The following PEX11G variants were observed in gnomAD, a reference collection of about 807,000 sequenced individuals.
PEX11G encodes the protein peroxisomal biogenesis factor 11 gamma, also known as peroxisomal membrane protein 11C.
Under a neutral mutation model 22.5 loss-of-function variants are expected in PEX11G, and 20 were observed. That is an observed-to-expected ratio of 0.89 (90% CI 0.62 to 1.29). The LOEUF (loss-of-function observed/expected upper bound fraction) is 1.29. PEX11G is among the 50% of genes most tolerant of loss of function. PEX11G has a pLI of 0.00. For synonymous variants in PEX11G, 141 were observed against 154.5 expected, an observed-to-expected ratio of 0.91 and a Z score of 0.65; for missense variants, 347 against 331.3, an observed-to-expected ratio of 1.05 and a Z score of -0.37.
intron 1 of PEX11G, 56 bp downstream of exon 1, chr19:7,488,895 T>C: frequency 6.5e-7 from 1 of 1,527,760 alleles, no homozygotes; most frequent in Non-Finnish European, 8.9e-7. Flanking sequence ...CGTTTCCCAG[T>C]CTCTGAGCTT....
upstream of PEX11G, among the ~76,000 whole-genome samples, chr19:7,492,035 C>T (rs375504200): frequency 2.6e-5 from 4 of 152,280 alleles, no homozygotes; most frequent in Middle Eastern, 3.4e-3. Flanking sequence ...TATAACATTG[C>T]GCCATATGGA....
chr19:7,481,851 G>A (rs1202614649), intron 3 of PEX11G, among the ~76,000 whole-genome samples, 182 bp downstream of exon 3: 6 of 152,060 alleles, frequency 3.9e-5, no homozygotes, highest in Non-Finnish European at 8.8e-5. Flanking sequence ...AATTTGTTCC[G>A]ACAGTTATTC....
intron 4 of PEX11G, among the ~76,000 whole-genome samples, chr19:7,477,887 T>G (rs114736522): frequency 6.6e-6 from 1 of 152,226 alleles, no homozygotes; most frequent in Non-Finnish European, 1.5e-5. Context: ...CCAGGCGTGC[T>G]GGCCCGTGCC....
chr19:7,482,618 C>T (rs1254923402), intron 2 of PEX11G, among the ~76,000 whole-genome samples: 4 of 152,226 alleles, frequency 2.6e-5, no homozygotes, highest in African/African-American at 9.6e-5. Flanking sequence ...TCAGAGCCTT[C>T]CTTCCCAAAG....
rs74356546 is a variant in PEX11G, at chr19:7,482,993, T to C, written c.250-782A>G. Among the ~76,000 whole-genome samples, 247 of 152,284 alleles carry C rather than the reference T, an allele frequency of 1.6e-3. 6 individuals are homozygous for C. The East Asian group carries it at 0.038, about 23-fold the overall frequency. ...CCTAGAGCCAGCGAGGCAGGACCAG[T>C]TGAGGCTGTAGAAACCAGCGCTGAA... On this transcript the variant is annotated intron_variant, in intron 2 of 4. Transcript: ENST00000221480.
intron 2 of PEX11G, 110 bp from the exon 3 acceptor site, chr19:7,482,321 G>A (rs1352681617): frequency 7.8e-6 from 10 of 1,278,198 alleles, no homozygotes; most frequent in East Asian, 2.5e-5. Flanking sequence ...CAGTCCCTGG[G>A]CCGTGTCCAG....
At position 7,477,421 on chromosome 19, in the gene PEX11G, GC is replaced by G; in HGVS notation, c.506del (p.Gly169AlafsTer45). 2 of 1,462,654 alleles carry G rather than the reference GC, an allele frequency of 1.4e-6. No individual in the cohort carries two copies. Among genetic ancestry groups the G allele is most frequent in the Admixed American group, 2.7e-5 (1 of 36,858 alleles). The allele number at this position is 1,462,654 out of a possible 1,614,324, so 90.6% of individuals were successfully genotyped here. ...TCTGCGCCTCCATGGCCCTCCGCTT[GC>G]CCCGGGGCAGCGGGCTGTGGGGCAG... ...TAPFTSPLPR[G>X]KRRAMEAQMQ... On this transcript the variant is annotated frameshift_variant, in exon 5 of 5. Coordinates refer to ENST00000221480, the MANE Select transcript of PEX11G (RefSeq NM_080662.4). LOFTEE classifies it low-confidence loss of function (END_TRUNC).
At chr19:7,481,976 G>C in intron 3 of PEX11G, 57 bp downstream of exon 3, 1 of 1,456,002 alleles carries the variant, frequency 6.9e-7, no homozygotes, top group Non-Finnish European at 9.1e-7. Flanking sequence ...CTGCCACTTT[G>C]CTAAGGAGGC....
chr19:7,490,642 ATTTTTTT>A (rs749165168), upstream of PEX11G, among the ~76,000 whole-genome samples: 672 of 55,104 alleles, frequency 0.012, 8 homozygotes, highest in African/African-American at 0.048. Flanking sequence ...CCTGGCCTCT[ATTTTTTT>A]TTTTTTTTTT....
At chr19:7,479,043 C>T (rs1338507417) in intron 3 of PEX11G, among the ~76,000 whole-genome samples, 1 of 152,202 alleles carries the variant, frequency 6.6e-6, no homozygotes, top group African/African-American at 2.4e-5. Flanking sequence ...GTGACTGTGA[C>T]AGAATGGGCA....
At chr19:7,480,698 G>A (rs1977450552) in intron 3 of PEX11G, among the ~76,000 whole-genome samples, 1 of 152,126 alleles carries the variant, frequency 6.6e-6, no homozygotes, top group African/African-American at 2.4e-5. Flanking sequence ...AAGAACTACT[G>A]AGAGTCAGAG....
Position 7,482,222 on chromosome 19 carries a change from A to C in PEX11G, c.250-11T>G. On this transcript the variant is annotated splice_polypyrimidine_tract_variant and intron_variant, in intron 2 of 4. Coordinates refer to ENST00000221480, the MANE Select transcript of PEX11G (RefSeq NM_080662.4). ...AAAGGCGTCCTCCTCCTGCAGGACC[A>C]GGAGCAGAGGGGGCCTAGGGTCAGA... 2 of 1,551,664 alleles carry C rather than the reference A, an allele frequency of 1.3e-6. No individual in the cohort carries two copies. The highest frequency in any genetic ancestry group is 4.8e-5 in the East Asian group (2 of 41,478).
At chr19:7,477,769 C>T (rs950629815) in intron 4 of PEX11G, among the ~76,000 whole-genome samples, 2 of 152,228 alleles carry the variant, frequency 1.3e-5, no homozygotes, top group Non-Finnish European at 2.9e-5. Context: ...CCCCCAGGAG[C>T]GTGGCCTGTG....
chr19:7,482,266 T>C (rs1289868583), intron 2 of PEX11G, 55 bp from the exon 3 acceptor site: 5 of 1,480,490 alleles, frequency 3.4e-6, no homozygotes, highest in Non-Finnish European at 2.7e-6. Flanking sequence ...CTGCCCATTT[T>C]AGCACCGTAG....
Position 7,477,318 on chromosome 19 carries a change from G to A in PEX11G, c.610C>T (p.Leu204=), listed in dbSNP as rs1487210164. The part of the protein sequence containing the change: ...NAVHWLPRGV[L]WAGRFPPWLV... Reference sequence around the variant, plus strand: ...CACGGCGGGAAGCGGCCGGCCCACAGCACGCCCCGGGGCAGCCAGTGCACG... The same window carrying A: ...CACGGCGGGAAGCGGCCGGCCCACAACACGCCCCGGGGCAGCCAGTGCACG... The change falls in exon 5 of 5, where the codon CTG becomes TTG. Residue 204 remains leucine, a synonymous_variant. Transcript: ENST00000221480. The A allele has an allele frequency of 1.3e-6, 2 of 1,560,734 alleles. No homozygotes were observed. Among genetic ancestry groups the A allele is most frequent in the East Asian group, 2.4e-5 (1 of 41,882 alleles).
At chr19:7,492,069 G>C (rs537133725), upstream of PEX11G, among the ~76,000 whole-genome samples, 1 of 152,242 alleles carries the variant, frequency 6.6e-6, no homozygotes, top group Admixed American at 6.5e-5. Flanking sequence ...GTTTATCCAC[G>C]TATCAGCTGA....
upstream of PEX11G, among the ~76,000 whole-genome samples, chr19:7,492,125 C>T (rs1366963036): frequency 2.0e-5 from 3 of 152,176 alleles, no homozygotes; most frequent in Non-Finnish European, 2.9e-5. Flanking sequence ...TGAATAAGTA[C>T]AGCTATAAAC....
chr19:7,489,393 G>T, upstream of PEX11G: 1 of 1,034,812 alleles, frequency 9.7e-7, no homozygotes, highest in Non-Finnish European at 1.2e-6. Flanking sequence ...TAGTTTTTGT[G>T]CTTCACCTTT....
intron 1 of PEX11G, among the ~76,000 whole-genome samples, chr19:7,494,907 T>C (rs1233426998): frequency 6.6e-6 from 1 of 152,218 alleles, no homozygotes; most frequent in East Asian, 1.9e-4. Flanking sequence ...CCTCTGCTAC[T>C]AGCTAATACC....
Sources: gnomAD v4.1 joint callset for allele counts (sites outside exome capture counted in the v4.1 genomes callset) on GRCh38, gnomAD v4.1.1 for gene constraint, MANE v1.5 for transcripts, NCBI Gene and HGNC (gene_info 2026-07-23, HGNC 2026-07-21) for gene names.